CEP70: variants seen among roughly 807,000 people sequenced by gnomAD.
CEP70 encodes centrosomal protein of 70 kDa.
In CEP70, 70 loss-of-function variants were observed where a neutral mutation model predicts 90.9. The ratio of observed to expected loss-of-function variants is 0.77; its 90% CI spans 0.64 to 0.94. The LOEUF (loss-of-function observed/expected upper bound fraction) is 0.94, where lower values mean the gene tolerates loss of function less well. CEP70 is among the 40% of genes least tolerant of loss of function. The probability of loss-of-function intolerance (pLI) is 0.00; values close to 1 mark genes in which losing one functional copy is unlikely to be tolerated. For synonymous variants in CEP70, 220 were observed against 228.3 expected, an observed-to-expected ratio of 0.96 and a Z score of 0.33; for missense variants, 648 against 669.0, an observed-to-expected ratio of 0.97 and a Z score of 0.35.
At chr3:138,547,958 G>A (rs1435505067) in intron 6 of CEP70, among the ~76,000 whole-genome samples, 1 of 152,096 alleles carries the variant, frequency 6.6e-6, no homozygotes, top group Admixed American at 6.5e-5. Flanking sequence ...ATCACAAAAA[G>A]CAAAACCATG....
intron 6 of CEP70, among the ~76,000 whole-genome samples, chr3:138,540,572 G>A (rs2038675885): frequency 6.6e-6 from 1 of 150,666 alleles, no homozygotes; most frequent in Admixed American, 6.6e-5. Context: ...CAGTCAGAAA[G>A]CTATTATTAA....
In CEP70 at chr3:138,537,219, G is replaced by C; in HGVS notation, c.594C>G (p.Ala198=). Residue 198 remains alanine (A), a synonymous_variant, in exon 7 of 18, where the codon GCC becomes GCG. Coordinates refer to ENST00000264982, the MANE Select transcript of CEP70 (RefSeq NM_024491.4). ...DRIVTQNRVF[A]YLCKRVPHTV... ...TATGAGGAACTCTTTTGCACAGATA[G>C]GCAAACACTCTGTTTTGAGTGACAA... 2 of 1,600,924 alleles carry C rather than the reference G, an allele frequency of 1.2e-6. No homozygotes were observed. The highest frequency in any genetic ancestry group is 1.7e-6 in the Non-Finnish European group (2 of 1,174,848).
rs1346259038 is a variant in CEP70 at position 138,500,090 on chromosome 3, T to G, written c.1652+20A>C. 1.3e-6 allele frequency: 2 copies of G among 1,525,374 alleles called. No homozygotes were observed. The highest frequency in any genetic ancestry group is 1.8e-6 in the Non-Finnish European group (2 of 1,100,132). The allele number at this position is 1,525,374 out of a possible 1,614,324, so 94.5% of individuals were successfully genotyped here. A position where few individuals can be genotyped will look rare whatever the true frequency, so the allele number is the denominator to read the frequency against. On this transcript the variant is annotated intron_variant, in intron 16 of 17. Transcript: ENST00000264982. ...CCCAGCCATTCTGGATGATACTTTGTAAACTTTTAAAACAAATACCTCTGG... is the reference window on the plus strand; with the variant it reads ...CCCAGCCATTCTGGATGATACTTTGGAAACTTTTAAAACAAATACCTCTGG...
chr3:138,518,649 C>T (rs1014175471), intron 11 of CEP70, among the ~76,000 whole-genome samples: 2 of 152,198 alleles, frequency 1.3e-5, no homozygotes, highest in Admixed American at 6.5e-5. Context: ...AACTAACAAA[C>T]AGGAAGGACA....
chr3:138,578,390 G>A (rs182625984), intron 2 of CEP70, among the ~76,000 whole-genome samples: 211 of 152,272 alleles, frequency 1.4e-3, no homozygotes, highest in African/African-American at 4.8e-3. Context: ...CATTGGTATC[G>A]CTAATATTCA....
rs2037577919 is a variant in CEP70 at position 138,529,204 on chromosome 3, T to C, written c.864A>G (p.Glu288=). ...SEKLNLQKDL[E]TRPTQHELRL... ...AAAAATTAAGTTTCTCTCACCTGGT[T>C]TCCAAATCTTTTTGGAGGTTCAGCT... Residue 288 remains glutamate (E), a synonymous_variant, in exon 10 of 18, where the codon GAA becomes GAG. Coordinates refer to ENST00000264982, the MANE Select transcript of CEP70 (RefSeq NM_024491.4). The C allele has an allele frequency of 2.5e-6, 4 of 1,588,692 alleles. No individual in the cohort carries two copies. Among genetic ancestry groups the C allele is most frequent in the Non-Finnish European group, 3.4e-6 (4 of 1,168,456 alleles).
intron 6 of CEP70, 105 bp downstream of exon 6, chr3:138,570,213 A>G: frequency 1.4e-6 from 1 of 699,092 alleles, no homozygotes; most frequent in Non-Finnish European, 2.3e-6. Flanking sequence ...TGATAAGCCA[A>G]AAAAGGTAAA....
chr3:138,533,726 G>A lies in CEP70; in HGVS notation c.636-1156C>T, dbSNP rs549901092. Reference sequence around the variant, plus strand: ...GATGTGGGGATTAGGAAAGCAAGCAGATTTGTTACATTTTACCATATACAC... The same window carrying A: ...GATGTGGGGATTAGGAAAGCAAGCAAATTTGTTACATTTTACCATATACAC... On this transcript the variant is annotated intron_variant, in intron 7 of 17. Coordinates refer to ENST00000264982, the MANE Select transcript of CEP70 (RefSeq NM_024491.4). 5.9e-5 allele frequency among the ~76,000 whole-genome samples: 9 copies of A among 152,218 alleles called. No individual in the cohort carries two copies. In the South Asian group the frequency reaches 1.9e-3, roughly 32 times the overall value.
chr3:138,528,013 CAA>C (rs778963528), intron 10 of CEP70, among the ~76,000 whole-genome samples: 27 of 62,762 alleles, frequency 4.3e-4, no homozygotes, highest in Admixed American at 1.2e-3. Context: ...TTTTTAAAAG[CAA>C]AAAAAAAAAA....
rs2042403254 is a variant in CEP70, at chr3:138,591,931, T to C, written c.-83A>G. The C allele has an allele frequency of 1.6e-6, 2 of 1,230,986 alleles. No homozygotes were observed. Among genetic ancestry groups the C allele is most frequent in the Non-Finnish European group, 2.2e-6 (2 of 913,266 alleles). The allele number at this position is 1,230,986 out of a possible 1,614,324, so 76.3% of individuals were successfully genotyped here. A position where few individuals can be genotyped will look rare whatever the true frequency, so the allele number is the denominator to read the frequency against. On this transcript the variant is annotated 5_prime_UTR_variant, in exon 2 of 18. Coordinates refer to ENST00000264982, the MANE Select transcript of CEP70 (RefSeq NM_024491.4). Reference sequence around the variant, plus strand: ...CTCAATGAAATGATCACCCAACGAGTCTCATGTCTGAAACTGGATCTTCAT... The same window carrying C: ...CTCAATGAAATGATCACCCAACGAGCCTCATGTCTGAAACTGGATCTTCAT...
intron 13 of CEP70, among the ~76,000 whole-genome samples, chr3:138,502,272 C>T (rs1395372757): frequency 2.0e-5 from 3 of 152,104 alleles, no homozygotes; most frequent in Admixed American, 2.0e-4. Context: ...TTAGGACTAG[C>T]CACCTTTCAA....
At chr3:138,504,572 C>T (rs1018014729) in intron 13 of CEP70, among the ~76,000 whole-genome samples, 4 of 152,098 alleles carry the variant, frequency 2.6e-5, no homozygotes, top group African/African-American at 9.7e-5. Flanking sequence ...CATTAACAGG[C>T]ATATGCTATG....
intron 2 of CEP70, among the ~76,000 whole-genome samples, chr3:138,578,351 G>A (rs1419544130): frequency 1.3e-5 from 2 of 152,172 alleles, no homozygotes; most frequent in Non-Finnish European, 2.9e-5. Flanking sequence ...AGTGTCTGAT[G>A]GTTATGAGAA....
intron 8 of CEP70, chr3:138,531,494 T>G (rs1403631388): frequency 6.6e-6 from 1 of 152,212 alleles, no homozygotes; most frequent in East Asian, 1.9e-4. Context: ...ACATATTATC[T>G]GTGGCTGATT....
chr3:138,570,934 T>G, intron 5 of CEP70, 100 bp downstream of exon 5: 1 of 1,027,664 alleles, frequency 9.7e-7, no homozygotes, highest in East Asian at 2.7e-5. Context: ...TAGTTTAATA[T>G]TTAATCAAAA....
At chr3:138,530,217 C>T (rs1157697309) in intron 8 of CEP70, among the ~76,000 whole-genome samples, 2 of 151,890 alleles carry the variant, frequency 1.3e-5, no homozygotes, top group Non-Finnish European at 2.9e-5. Context: ...GGTAATGCCA[C>T]CAAGGAACTA....
intron 11 of CEP70, among the ~76,000 whole-genome samples, chr3:138,522,850 G>C (rs1429515347): frequency 6.6e-6 from 1 of 152,164 alleles, no homozygotes; most frequent in Non-Finnish European, 1.5e-5. Flanking sequence ...TAGAAAAAGA[G>C]GGAATCCTTC....
intron 7 of CEP70, among the ~76,000 whole-genome samples, chr3:138,536,762 T>C (rs1284581781): frequency 1.3e-5 from 2 of 150,440 alleles, no homozygotes. Context: ...AAAAAATCAA[T>C]GATGATTTTT....
Position 138,570,472 on chromosome 3 carries a change from C to T in CEP70, c.311G>A (p.Arg104Gln), listed in dbSNP as rs200314330. The change falls in exon 6 of 18, where the codon CGA becomes CAA. Residue 104 changes from arginine (R) to glutamine (Q), a missense_variant. Arg to Gln is a conservative substitution (Grantham distance 43). Transcript: ENST00000264982. ...LRNELQLEQS[R>Q]AANQEQRAND... Reference sequence around the variant, plus strand: ...AGCTCGTTGTTCTTGATTGGCTGCTCGGCTTTGCTCTAGCTGAAGTTCATT... The same window carrying T: ...AGCTCGTTGTTCTTGATTGGCTGCTTGGCTTTGCTCTAGCTGAAGTTCATT... 7.7e-4 allele frequency: 1,235 copies of T among 1,606,402 alleles called. 21 individuals are homozygous for T. In the South Asian group the frequency reaches 0.012, roughly 16 times the overall value.
Sources: allele counts gnomAD v4.1 joint callset (sites outside exome capture counted in the v4.1 genomes callset), GRCh38; gene constraint gnomAD v4.1.1; transcripts MANE v1.5; gene names NCBI Gene and HGNC (gene_info 2026-07-23, HGNC 2026-07-21).